ESR1: variants seen among roughly 807,000 people sequenced by gnomAD.
The protein encoded by ESR1 is estrogen receptor.
ESR1 carries 12 observed loss-of-function variants against 52.7 expected under a neutral mutation model. The observed-to-expected ratio is 0.23, with a 90% CI of 0.15 to 0.37. The LOEUF is 0.37. ESR1 is among the 10% of genes least tolerant of loss of function. The pLI, the probability that ESR1 is intolerant of heterozygous loss-of-function variation, is 1.00. For synonymous variants in ESR1, 305 were observed against 316.8 expected (o/e 0.96, Z 0.39); for missense variants, 584 against 779.7 (o/e 0.75, Z 2.99).
chr6:151,966,459 C>A (rs1175571790), intron 4 of ESR1, among the ~76,000 whole-genome samples: 1 of 151,968 alleles, frequency 6.6e-6, no homozygotes, highest in African/African-American at 2.4e-5. Flanking sequence ...GTTTTGGCTT[C>A]TTTTTCTCTT....
rs766415023 is a variant in ESR1, at chr6:152,098,744, G to A, written c.1566G>A (p.Met522Ile). ...TTCCCACCTACAGTAACAAAGGCAT[G>A]GAGCATCTGTACAGCATGAAGTGCA... ...SHIRHMSNKG[M>I]EHLYSMKCKN... Residue 522 changes from methionine to isoleucine, a missense_variant, in exon 8 of 8, where the codon ATG becomes ATA. Around this residue, in one of 6 missense-constraint regions of ESR1, gnomAD observed 141 missense variants for 289.3 expected, o/e 0.49. Transcript: ENST00000206249. The surrounding 1 kb of genome is among the most constrained non-coding windows in gnomAD (Gnocchi z 5.1). 4 of 1,613,928 alleles carry A rather than the reference G, an allele frequency of 2.5e-6. No homozygotes were observed. Among genetic ancestry groups the A allele is most frequent in the Admixed American group, 1.7e-5 (1 of 60,020 alleles).
intron 4 of ESR1, among the ~76,000 whole-genome samples, chr6:152,002,776 T>G (rs1196242045): frequency 1.3e-5 from 2 of 152,036 alleles, no homozygotes; most frequent in African/African-American, 4.8e-5. Context: ...AAAAAGAAGC[T>G]GTGGTTAATA....
chr6:151,869,675 A>G (rs1790596823), intron 2 of ESR1, among the ~76,000 whole-genome samples: 1 of 152,226 alleles, frequency 6.6e-6, no homozygotes, highest in Non-Finnish European at 1.5e-5. Flanking sequence ...GGGCAAATAG[A>G]TAGAGGCTTT....
At chr6:151,759,319 T>C (rs895722034) in intron 2 of ESR1, among the ~76,000 whole-genome samples, 4 of 150,678 alleles carry the variant, frequency 2.7e-5, no homozygotes, top group African/African-American at 9.8e-5. Context: ...AGAATATTCC[T>C]GTGAGTTCCA....
At chr6:151,673,904 C>A (rs763786092) in intron 1 of ESR1, among the ~76,000 whole-genome samples, 9 of 152,132 alleles carry the variant, frequency 5.9e-5, no homozygotes, top group Non-Finnish European at 1.0e-4. Context: ...CACTCCATAT[C>A]ACTTTTTGCC....
intron 3 of ESR1, among the ~76,000 whole-genome samples, chr6:151,889,684 T>C (rs1794413590): frequency 6.6e-6 from 1 of 152,184 alleles, no homozygotes; most frequent in Non-Finnish European, 1.5e-5. Flanking sequence ...ATTATTTTCT[T>C]CCTTCTACTA....
chr6:151,928,716 A>G (rs1310599786), intron 3 of ESR1, among the ~76,000 whole-genome samples: 3 of 151,878 alleles, frequency 2.0e-5, no homozygotes, highest in African/African-American at 7.3e-5. Context: ...ATTTTTCTCT[A>G]AGCACTGCTT....
At chr6:151,855,342 A>G (rs1246803763) in intron 2 of ESR1, among the ~76,000 whole-genome samples, 1 of 152,084 alleles carries the variant, frequency 6.6e-6, no homozygotes, top group Non-Finnish European at 1.5e-5. Flanking sequence ...GATTGCTAGC[A>G]TGCTGATTAC....
At chr6:151,904,231 A>T (rs977007319) in intron 3 of ESR1, among the ~76,000 whole-genome samples, 3 of 152,242 alleles carry the variant, frequency 2.0e-5, no homozygotes, top group Admixed American at 6.5e-5. Flanking sequence ...AACTATCATA[A>T]CAAATAAATA....
At chr6:152,018,031 G>A (rs2128805199) in intron 5 of ESR1, among the ~76,000 whole-genome samples, 1 of 152,234 alleles carries the variant, frequency 6.6e-6, no homozygotes, top group Non-Finnish European at 1.5e-5. Flanking sequence ...TGTTGCTCTA[G>A]TTCTTTCCAT....
chr6:151,844,004 C>G (rs1784710459), intron 2 of ESR1, among the ~76,000 whole-genome samples: 1 of 150,808 alleles, frequency 6.6e-6, no homozygotes, highest in African/African-American at 2.4e-5. Flanking sequence ...CGACACATTG[C>G]TTTTAACATC....
chr6:151,667,991 A>C lies in ESR1; in HGVS notation n.73+11228A>C, dbSNP rs571825023. 1.6e-4 allele frequency among the ~76,000 whole-genome samples: 24 copies of C among 152,396 alleles called. No individual in the cohort carries two copies. The South Asian group carries it at 4.1e-3, about 26-fold the overall frequency. On this transcript the variant is annotated intron_variant and non_coding_transcript_variant, in intron 1 of 2. Transcript: ENST00000473497. ...AGAAAAATCAGACTCCAAGGATCAT[A>C]TAATCTGATTGTGGAAGAAAGGCAT... is the stretch of plus-strand genomic sequence containing the variant.
intron 6 of ESR1, among the ~76,000 whole-genome samples, chr6:152,063,309 T>C (rs761477568): frequency 6.6e-6 from 1 of 152,186 alleles, no homozygotes; most frequent in Non-Finnish European, 1.5e-5. Context: ...GTCTTTTTCA[T>C]GAGATAACAC....
Position 151,862,099 on chromosome 6 carries a change from C to A in ESR1, c.644-18556C>A, listed in dbSNP as rs144938687. ...TAATGAATACTTGCCCTGCTCCAGGCTCTATGTTACGTGTCCTGAATGCAT... is the reference window on the plus strand; with the variant it reads ...TAATGAATACTTGCCCTGCTCCAGGATCTATGTTACGTGTCCTGAATGCAT... On this transcript the variant is annotated intron_variant, in intron 2 of 7. Coordinates refer to ENST00000206249, the MANE Select transcript of ESR1 (RefSeq NM_000125.4). Among the ~76,000 whole-genome samples, 5 of 152,246 alleles carry A rather than the reference C, an allele frequency of 3.3e-5. No individual in the cohort carries two copies. In the East Asian group the frequency reaches 9.7e-4, roughly 29 times the overall value.
chr6:152,116,103 C>T (rs1007155501), intron 6 of ESR1, among the ~76,000 whole-genome samples: 1 of 152,164 alleles, frequency 6.6e-6, no homozygotes, highest in African/African-American at 2.4e-5. Context: ...AGGTTTTCAT[C>T]TCTGGTGTGG....
chr6:151,847,738 A>C (rs1231380489), intron 2 of ESR1, among the ~76,000 whole-genome samples: 3 of 126,524 alleles, frequency 2.4e-5, no homozygotes, highest in South Asian at 2.9e-4. Context: ...GAAGCTCTTT[A>C]GTTTAATTAG....
chr6:152,066,902 C>A (rs1054301842), intron 6 of ESR1, among the ~76,000 whole-genome samples: 1 of 152,196 alleles, frequency 6.6e-6, no homozygotes, highest in Non-Finnish European at 1.5e-5. Flanking sequence ...TACTTAAACT[C>A]ATGGAATTGT....
At chr6:152,044,084 C>T (rs1325072372) in intron 5 of ESR1, among the ~76,000 whole-genome samples, 1 of 152,142 alleles carries the variant, frequency 6.6e-6, no homozygotes, top group South Asian at 2.1e-4. Flanking sequence ...AACTTAGGAG[C>T]AACCAACTAG....
At position 151,838,085 on chromosome 6, in the gene ESR1, G is replaced by C. The variant is rs532516184; in HGVS notation, c.453-4512G>C. Among the ~76,000 whole-genome samples, 143 of 152,272 alleles carry C rather than the reference G, an allele frequency of 9.4e-4. 1 individual carries two copies. Among genetic ancestry groups the C allele is most frequent in the African/African-American group, 3.3e-3 (137 of 41,558 alleles). On this transcript the variant is annotated intron_variant, in intron 1 of 7. Coordinates refer to ENST00000206249, the MANE Select transcript of ESR1 (RefSeq NM_000125.4). ...TGCAATCATAGCTCACTGCAGCCTT[G>C]AATGCCTGGGCTCAAGCGGTCCTTC...
Sources: allele counts gnomAD v4.1 joint callset (sites outside exome capture counted in the v4.1 genomes callset), GRCh38; gene constraint gnomAD v4.1.1; regional missense constraint gnomAD v4.1.1; non-coding constraint Gnocchi (gnomAD v3.1); transcripts MANE v1.5; gene names NCBI Gene and HGNC (gene_info 2026-07-23, HGNC 2026-07-21).